Variants in ZFYVE27 observed in about 807,000 individuals in gnomAD.
ZFYVE27 encodes the protein protrudin.
A neutral mutation model predicts 52.8 loss-of-function variants in ZFYVE27; 36 were observed. The observed-to-expected ratio is 0.68, with a 90% CI of 0.52 to 0.90. ZFYVE27 has a LOEUF of 0.90. Ranked by LOEUF, ZFYVE27 falls within the 40% of genes least tolerant of loss-of-function variation. The pLI, the probability that ZFYVE27 is intolerant of heterozygous loss-of-function variation, is 0.00. For missense variants in ZFYVE27, 450 were observed against 527.2 expected, an observed-to-expected ratio of 0.85 and a Z score of 1.43; for synonymous variants, 223 against 215.6, an observed-to-expected ratio of 1.03 and a Z score of -0.30.
In ZFYVE27 at chr10:97,744,968, A is replaced by G. The variant is rs10882994; in HGVS notation, c.455+53A>G. On this transcript the variant is annotated intron_variant, in intron 4 of 12. Coordinates refer to ENST00000684270, the MANE Select transcript of ZFYVE27 (RefSeq NM_001385875.1). ...TGGGGGAACAGTAACAGCAGCCATG[A>G]CACTAAGTGCTAGCTTTGTGTGCTC... 0.73 allele frequency: 1,124,215 copies of G among 1,534,430 alleles called. 414,963 individuals are homozygous for G. The highest frequency in any genetic ancestry group is 0.75 in the Non-Finnish European group (862,511 of 1,143,306).
At chr10:97,738,809 T>A in intron 2 of ZFYVE27, 135 bp downstream of exon 2, 1 of 1,018,804 alleles carries the variant, frequency 9.8e-7, no homozygotes, top group Non-Finnish European at 1.5e-6. Context: ...GGAGGTCTGT[T>A]CGGCCTCTGG....
At chr10:97,746,053 T>TA (rs2045323960) in intron 4 of ZFYVE27, among the ~76,000 whole-genome samples, 5 of 120,132 alleles carry the variant, frequency 4.2e-5, no homozygotes, top group East Asian at 4.3e-4. Context: ...ATATATATAT[T>TA]TTTTTTTTTT....
intron 3 of ZFYVE27, among the ~76,000 whole-genome samples, chr10:97,743,583 G>T (rs556880742): frequency 6.6e-6 from 1 of 152,280 alleles, no homozygotes; most frequent in African/African-American, 2.4e-5. Flanking sequence ...TTTCCATTTT[G>T]GTTTTTAAGC....
At chr10:97,743,035 C>CT in intron 2 of ZFYVE27, 59 bp from the exon 3 acceptor site, 16 of 1,586,788 alleles carry the variant, frequency 1.0e-5, no homozygotes, top group Non-Finnish European at 1.4e-5. Context: ...GCTGCCTGGT[C>CT]TCCCCTCCCC....
chr10:97,746,619 G>A (rs894292529), intron 4 of ZFYVE27, among the ~76,000 whole-genome samples: 15 of 151,656 alleles, frequency 9.9e-5, no homozygotes, highest in South Asian at 4.2e-4. Context: ...TGTATAATTC[G>A]TAATCGGATT....
At chr10:97,754,612 G>A (rs889740155) in intron 10 of ZFYVE27, 7 of 1,272,202 alleles carry the variant, frequency 5.5e-6, no homozygotes, top group African/African-American at 1.5e-5. Context: ...ACCACGCCCG[G>A]CCCCTTTGTT....
At chr10:97,757,933 TA>T in intron 12 of ZFYVE27, 2 of 570,088 alleles carry the variant, frequency 3.5e-6, no homozygotes, top group South Asian at 4.2e-5. Flanking sequence ...TTGTGAAGGG[TA>T]ATAACAAGAT....
chr10:97,742,737 A>G (rs1166666352), intron 2 of ZFYVE27, among the ~76,000 whole-genome samples: 2 of 152,374 alleles, frequency 1.3e-5, no homozygotes, highest in Admixed American at 1.3e-4. Flanking sequence ...TAAAAAAAGA[A>G]TAGAGGAAAA....
At position 97,760,524 on chromosome 10, in the gene ZFYVE27, T is replaced by TG. The variant is rs373113574; in HGVS notation, c.*1229dup. On this transcript the variant is annotated 3_prime_UTR_variant, in exon 13 of 13. Coordinates refer to ENST00000684270, the MANE Select transcript of ZFYVE27 (RefSeq NM_001385875.1). ...TAATGGGATGAGGAGGAATTGGGGGTGGGGGTCTTCTACCTAGGACTCTTC... is the reference window on the plus strand; with the variant it reads ...TAATGGGATGAGGAGGAATTGGGGGTGGGGGGTCTTCTACCTAGGACTCTTC... 4.4e-3 allele frequency: 670 copies of TG among 151,618 alleles called. 3 individuals are homozygous for TG. The highest frequency in any genetic ancestry group is 9.8e-3 in the Admixed American group (149 of 15,224). 9.4% of individuals were successfully genotyped at this position (151,618 alleles called of 1,614,324 possible). A position where few individuals can be genotyped will look rare whatever the true frequency, so the allele number is the denominator to read the frequency against.
chr10:97,757,085 C>G (rs777145274), intron 10 of ZFYVE27, 180 bp from the exon 11 acceptor site: 8 of 725,984 alleles, frequency 1.1e-5, no homozygotes, highest in Admixed American at 7.1e-5. Flanking sequence ...CAGGGGCTAT[C>G]AGTCTTCTTA....
chr10:97,750,210 G>T, intron 6 of ZFYVE27, 121 bp from the exon 7 acceptor site: 1 of 1,274,326 alleles, frequency 7.8e-7, no homozygotes, highest in South Asian at 1.2e-5. Context: ...GAGTTAGGAG[G>T]GTGACTCTTT....
Position 97,746,028 on chromosome 10 carries a change from CATATAT to C in ZFYVE27, c.455+1132_455+1137del, listed in dbSNP as rs398046319. On this transcript the variant is annotated intron_variant, in intron 4 of 12. Coordinates refer to ENST00000684270, the MANE Select transcript of ZFYVE27 (RefSeq NM_001385875.1). ...TGAAATAGTTTTATATATATATACA[CATATAT>C]ATATATATATATATATATTTTTTTT... Among the ~76,000 whole-genome samples, 74 of 129,294 alleles carry C rather than the reference CATATAT, an allele frequency of 5.7e-4. 3 individuals carry two copies. The highest frequency in any genetic ancestry group is 1.4e-3 in the African/African-American group (46 of 33,832). The allele number at this position is 129,294 out of a possible 152,430, so 84.8% of individuals were successfully genotyped here. A position where few individuals can be genotyped will look rare whatever the true frequency, so the allele number is the denominator to read the frequency against.
chr10:97,746,979 G>T (rs1454957581), intron 4 of ZFYVE27, among the ~76,000 whole-genome samples: 1 of 152,206 alleles, frequency 6.6e-6, no homozygotes, highest in African/African-American at 2.4e-5. Context: ...GTGTGAGCCA[G>T]TGTGGGTGTC....
chr10:97,745,320 C>T (rs1433865933), intron 4 of ZFYVE27, among the ~76,000 whole-genome samples: 1 of 152,142 alleles, frequency 6.6e-6, no homozygotes, highest in East Asian at 1.9e-4. Flanking sequence ...GCTGGGACTA[C>T]AGGCACACAC....
Position 97,744,725 on chromosome 10 carries a change from G to A in ZFYVE27, c.269-4G>A, listed in dbSNP as rs968255930. The A allele has an allele frequency of 2.5e-6, 4 of 1,613,268 alleles. No individual in the cohort carries two copies. The East Asian group carries it at 8.9e-5, about 36-fold the overall frequency. On this transcript the variant is annotated splice_region_variant and splice_polypyrimidine_tract_variant and intron_variant, in intron 3 of 12. Transcript: ENST00000684270. Reference sequence around the variant, plus strand: ...TGTTACCTGCAGTGTTTTTGATTCTGCAGGTGCATGGTACTCAGTAGGTGC... The same window carrying A: ...TGTTACCTGCAGTGTTTTTGATTCTACAGGTGCATGGTACTCAGTAGGTGC...
intron 12 of ZFYVE27, 51 bp downstream of exon 12, chr10:97,757,774 T>C: frequency 6.3e-7 from 1 of 1,584,768 alleles, no homozygotes; most frequent in Middle Eastern, 1.7e-4. Context: ...GCCCAGGGGA[T>C]GTCACGCTGT....
chr10:97,740,723 A>G (rs7907679), intron 2 of ZFYVE27, among the ~76,000 whole-genome samples: 106,025 of 152,130 alleles, frequency 0.7, 37,483 homozygotes, highest in Middle Eastern at 0.78. Flanking sequence ...GCACTGGTCC[A>G]TGAAAGTGGC....
chr10:97,743,344 G>C (rs189591406), intron 3 of ZFYVE27, among the ~76,000 whole-genome samples, 180 bp downstream of exon 3: 157 of 152,290 alleles, frequency 1.0e-3, no homozygotes, highest in East Asian at 7.9e-3. Flanking sequence ...GCTGCCTGCT[G>C]TGACCTTGGG....
At chr10:97,744,590 A>T in intron 3 of ZFYVE27, 139 bp from the exon 4 acceptor site, 1 of 948,166 alleles carries the variant, frequency 1.1e-6, no homozygotes. Context: ...GGGGTGAGAC[A>T]CTGTGTCGTA....
Sources: gnomAD v4.1 joint callset for allele counts (sites outside exome capture counted in the v4.1 genomes callset) on GRCh38, gnomAD v4.1.1 for gene constraint, MANE v1.5 for transcripts, NCBI Gene and HGNC (gene_info 2026-07-23, HGNC 2026-07-21) for gene names.